PHF21B: variants seen among roughly 807,000 people sequenced by gnomAD.
PHF21B encodes the protein PHD finger protein 21B, also known as PHD finger protein 4.
PHF21B carries 22 observed loss-of-function variants against 62.2 expected under a neutral mutation model. The ratio of observed to expected loss-of-function variants is 0.35; its 90% CI spans 0.25 to 0.51. The LOEUF is 0.51. PHF21B is among the 20% of genes least tolerant of loss of function. The pLI, the probability that PHF21B is intolerant of heterozygous loss-of-function variation, is 0.97. For missense variants in PHF21B, 701 were observed against 707.9 expected, an observed-to-expected ratio of 0.99 and a Z score of 0.11; for synonymous variants, 341 against 314.7, an observed-to-expected ratio of 1.08 and a Z score of -0.88.
In PHF21B at chr22:44,883,081, CG is replaced by C; in HGVS notation, c.*4del. On this transcript the variant is annotated 3_prime_UTR_variant, in exon 13 of 13. Coordinates refer to ENST00000313237, the MANE Select transcript of PHF21B (RefSeq NM_138415.5). ...TCCGTGGGTATGAAGACTGGTCCCT[CG>C]GGGTCAGTTGTGGCCCTGGGGGTGC... The C allele has an allele frequency of 6.8e-6, 11 of 1,606,522 alleles. No homozygotes were observed. The highest frequency in any genetic ancestry group is 9.3e-6 in the Non-Finnish European group (11 of 1,177,450).
intron 2 of PHF21B, among the ~76,000 whole-genome samples, chr22:44,995,808 C>T (rs1304633852): frequency 6.6e-6 from 1 of 150,516 alleles, no homozygotes; most frequent in Non-Finnish European, 1.5e-5. Flanking sequence ...CCTCCACCCC[C>T]CCATCCCCCC....
At chr22:44,952,954 C>A (rs2072223397) in intron 2 of PHF21B, among the ~76,000 whole-genome samples, 1 of 152,208 alleles carries the variant, frequency 6.6e-6, no homozygotes, top group Non-Finnish European at 1.5e-5. Context: ...CTGGGCTGCC[C>A]TGTGCCCTGC....
intron 2 of PHF21B, among the ~76,000 whole-genome samples, chr22:44,983,574 C>T (rs539062753): frequency 5.9e-5 from 9 of 152,182 alleles, no homozygotes; most frequent in South Asian, 4.2e-4. Context: ...AAAGGGCAGG[C>T]GAGGGAGGCT....
intron 2 of PHF21B, among the ~76,000 whole-genome samples, chr22:44,956,076 G>A (rs1474662411): frequency 6.6e-6 from 1 of 152,206 alleles, no homozygotes; most frequent in Non-Finnish European, 1.5e-5. Context: ...ATCAGCCCGC[G>A]AGGAAGGGGA....
At position 44,889,802 on chromosome 22, in the gene PHF21B, C is replaced by T. The variant is rs768486975; in HGVS notation, c.1016-20G>A. On this transcript the variant is annotated intron_variant, in intron 8 of 12. Coordinates refer to ENST00000313237, the MANE Select transcript of PHF21B (RefSeq NM_138415.5). ...CATTGGCTAGCACAGGGAAGAAGGGCGGAGAACACGTTAGTGGCCGTCAGA... is the reference window on the plus strand; with the variant it reads ...CATTGGCTAGCACAGGGAAGAAGGGTGGAGAACACGTTAGTGGCCGTCAGA... 166 of 1,547,500 alleles carry T rather than the reference C, an allele frequency of 1.1e-4. No homozygotes were observed. In the South Asian group the frequency reaches 1.6e-3, roughly 15 times the overall value.
chr22:44,971,983 G>C (rs547719878), intron 2 of PHF21B, among the ~76,000 whole-genome samples: 21 of 152,366 alleles, frequency 1.4e-4, no homozygotes, highest in East Asian at 7.7e-4. Context: ...GTTGCAGTTG[G>C]GGGGAGAGAT....
chr22:44,884,562 G>A lies in PHF21B; in HGVS notation c.1377+864C>T, dbSNP rs930691952. Among the ~76,000 whole-genome samples the A allele has an allele frequency of 2.5e-3, 113 of 45,204 alleles. 1 individual carries two copies. The East Asian group carries it at 0.19, about 78-fold the overall frequency. The allele number at this position is 45,204 out of a possible 152,430, so 29.7% of individuals were successfully genotyped here. A position where few individuals can be genotyped will look rare whatever the true frequency, so the allele number is the denominator to read the frequency against. ...CACCACCATCACCACAACCATGATCGCCATTATCACCATCACTGTGATCAG... is the reference window on the plus strand; with the variant it reads ...CACCACCATCACCACAACCATGATCACCATTATCACCATCACTGTGATCAG... On this transcript the variant is annotated intron_variant, in intron 12 of 12. Transcript: ENST00000313237.
intron 2 of PHF21B, among the ~76,000 whole-genome samples, chr22:44,937,468 A>G (rs2071873175): frequency 6.6e-6 from 1 of 152,184 alleles, no homozygotes; most frequent in Admixed American, 6.5e-5. Context: ...GGTCTCTCAC[A>G]AACCACTGCA....
Position 44,914,057 on chromosome 22 carries a change from G to A in PHF21B, c.596C>T (p.Pro199Leu), listed in dbSNP as rs2071393175. The change falls in exon 5 of 13, where the codon CCC becomes CTC. Residue 199 changes from proline (P) to leucine (L), a missense_variant. By Grantham distance (98) the Pro-to-Leu change is moderately conservative. Coordinates refer to ENST00000313237, the MANE Select transcript of PHF21B (RefSeq NM_138415.5). ...GTGGAGGGGACAGTGATGGGTTGCG[G>A]GGTGAGGGGAAGAGAGGAGGCGTGG... ...PPPRLLSSPH[P>L]ATHHCPLHPS... 2.3e-6 allele frequency: 3 copies of A among 1,309,468 alleles called. No individual in the cohort carries two copies. The highest frequency in any genetic ancestry group is 4.8e-5 in the East Asian group (2 of 42,066). 81.1% of individuals were successfully genotyped at this position (1,309,468 alleles called of 1,614,324 possible). A position where few individuals can be genotyped will look rare whatever the true frequency, so the allele number is the denominator to read the frequency against.
intron 2 of PHF21B, among the ~76,000 whole-genome samples, chr22:44,978,161 T>A (rs2072773483): frequency 1.3e-5 from 2 of 152,130 alleles, no homozygotes; most frequent in Non-Finnish European, 2.9e-5. Flanking sequence ...TACCTACAAG[T>A]GGGATCTCCG....
intron 2 of PHF21B, among the ~76,000 whole-genome samples, chr22:44,940,795 G>C (rs2071941084): frequency 6.6e-6 from 1 of 152,188 alleles, no homozygotes; most frequent in Non-Finnish European, 1.5e-5. Context: ...AGGGACTAGA[G>C]GCAAACTCTT....
At chr22:44,996,354 G>A (rs913724766) in intron 2 of PHF21B, among the ~76,000 whole-genome samples, 6 of 152,126 alleles carry the variant, frequency 3.9e-5, no homozygotes, top group African/African-American at 1.4e-4. Context: ...CTGCTGGTTG[G>A]TGCCGCTTCT....
At chr22:44,982,068 C>T (rs545863414) in intron 2 of PHF21B, among the ~76,000 whole-genome samples, 44 of 152,322 alleles carry the variant, frequency 2.9e-4, no homozygotes, top group African/African-American at 9.1e-4. Flanking sequence ...GGGGGTGTGG[C>T]GGTGGAAACA....
intron 2 of PHF21B, among the ~76,000 whole-genome samples, chr22:44,921,177 G>A (rs945942888): frequency 4.9e-4 from 75 of 152,140 alleles, no homozygotes; most frequent in Admixed American, 4.6e-3. Flanking sequence ...GCCAACACAC[G>A]ATGGGATGGC....
chr22:44,933,407 G>C, intron 2 of PHF21B: 1 of 958,062 alleles, frequency 1.0e-6, no homozygotes, highest in South Asian at 4.8e-5. Flanking sequence ...CACTGCGCTC[G>C]GCCTCTTCTA....
chr22:44,896,420 A>G (rs1259116811), intron 5 of PHF21B, among the ~76,000 whole-genome samples: 3 of 152,188 alleles, frequency 2.0e-5, no homozygotes, highest in African/African-American at 7.2e-5. Flanking sequence ...TCAGTTTCTA[A>G]GAAACACAGG....
At chr22:44,929,501 G>A (rs1179543875) in intron 2 of PHF21B, among the ~76,000 whole-genome samples, 1 of 152,326 alleles carries the variant, frequency 6.6e-6, no homozygotes, top group East Asian at 1.9e-4. Flanking sequence ...TCCAGCCCAC[G>A]TGCGTTTACC....
chr22:45,005,362 A>AT lies in PHF21B; in HGVS notation c.120+3182dup, dbSNP rs889447533. Among the ~76,000 whole-genome samples, 153 of 148,202 alleles carry AT rather than the reference A, an allele frequency of 1.0e-3. 1 individual carries two copies. In the Middle Eastern group the frequency reaches 0.011, roughly 10 times the overall value. ...GCTCTGACCAACTATCCTATGCCTC[A>AT]TTTTTTTTTTTAGTGGAAAATATGA... On this transcript the variant is annotated intron_variant, in intron 2 of 12. Transcript: ENST00000313237.
At chr22:45,006,478 C>G (rs1441617797) in intron 2 of PHF21B, among the ~76,000 whole-genome samples, 1 of 152,166 alleles carries the variant, frequency 6.6e-6, no homozygotes, top group Non-Finnish European at 1.5e-5. Context: ...AGCTCCTTCC[C>G]GAAGCTGCCG....
Sources: allele counts gnomAD v4.1 joint callset (sites outside exome capture counted in the v4.1 genomes callset), GRCh38; gene constraint gnomAD v4.1.1; transcripts MANE v1.5; gene names NCBI Gene and HGNC (gene_info 2026-07-23, HGNC 2026-07-21).